The following PPFIA2 variants were observed in gnomAD, a reference collection of about 807,000 sequenced individuals.
PPFIA2 encodes the protein PPFI scaffold protein A2.
Under a neutral mutation model 175.5 loss-of-function variants are expected in PPFIA2, and 46 were observed. The observed-to-expected ratio is 0.26, with a 90% confidence interval of 0.21 to 0.34. The LOEUF (loss-of-function observed/expected upper bound fraction) is 0.34. Among genes scored for constraint, PPFIA2 ranks in the 10% least tolerant of loss-of-function variants. The probability of loss-of-function intolerance (pLI) is 1.00; values close to 1 mark genes in which losing one functional copy is unlikely to be tolerated. For synonymous variants in PPFIA2, 568 were observed against 511.4 expected (o/e 1.11, Z -1.49); for missense variants, 1,179 against 1,506.1 (o/e 0.78, Z 3.60).
intron 4 of PPFIA2, among the ~76,000 whole-genome samples, chr12:81,605,097 C>A (rs754044353): frequency 6.6e-6 from 1 of 151,788 alleles, no homozygotes; most frequent in Non-Finnish European, 1.5e-5. Context: ...ATTCAACTCA[C>A]ATATTTTTAT....
intron 5 of PPFIA2, among the ~76,000 whole-genome samples, chr12:81,450,876 A>G (rs976329444): frequency 6.6e-6 from 1 of 152,180 alleles, no homozygotes; most frequent in Non-Finnish European, 1.5e-5. Context: ...TTGACCCAGC[A>G]CAATTCAAGC....
At chr12:81,618,087 G>T (rs1425956423) in intron 4 of PPFIA2, among the ~76,000 whole-genome samples, 1 of 152,010 alleles carries the variant, frequency 6.6e-6, no homozygotes, top group Non-Finnish European at 1.5e-5. Flanking sequence ...TCCACCCAAT[G>T]GTTCCCTCCA....
chr12:81,738,471 G>A (rs1384132196), intron 3 of PPFIA2, among the ~76,000 whole-genome samples: 2 of 151,676 alleles, frequency 1.3e-5, no homozygotes, highest in East Asian at 1.9e-4. Context: ...TAAATCTAAA[G>A]GAATATTGCC....
At chr12:81,339,522 A>T (rs1258582000) in intron 20 of PPFIA2, among the ~76,000 whole-genome samples, 188 bp from the exon 21 acceptor site, 2 of 151,890 alleles carry the variant, frequency 1.3e-5, no homozygotes, top group Non-Finnish European at 2.9e-5. Context: ...TGAAACTCCA[A>T]ATTTCCATAA....
chr12:81,703,745 C>A lies in PPFIA2; in HGVS notation c.250-26901G>T, dbSNP rs186737576. On this transcript the variant is annotated intron_variant, in intron 3 of 32. Coordinates refer to ENST00000549396, the MANE Select transcript of PPFIA2 (RefSeq NM_003625.5). ...TCACCTCACTCATGGCTCTGACGAG[C>A]TCACTGAGTCCCTAGATGCACCGAG... is the stretch of plus-strand genomic sequence containing the variant. Among the ~76,000 whole-genome samples, 86 of 152,246 alleles carry A rather than the reference C, an allele frequency of 5.6e-4. 4 individuals carry two copies. Among genetic ancestry groups the A allele is most frequent in the Admixed American group, 2.7e-3 (42 of 15,290 alleles).
At chr12:81,382,321 C>A (rs2037911655) in intron 9 of PPFIA2, among the ~76,000 whole-genome samples, 2 of 151,996 alleles carry the variant, frequency 1.3e-5, no homozygotes, top group Admixed American at 1.3e-4. Flanking sequence ...GGCTTGTAGA[C>A]CACTGTGAGG....
intron 4 of PPFIA2, among the ~76,000 whole-genome samples, chr12:81,616,034 C>T (rs2061400791): frequency 6.6e-6 from 1 of 152,034 alleles, no homozygotes; most frequent in Admixed American, 6.6e-5. Context: ...GGTTTACATG[C>T]TGGTAATTGT....
chr12:81,437,695 A>ATATT (rs576321215), intron 7 of PPFIA2, among the ~76,000 whole-genome samples: 59 of 152,326 alleles, frequency 3.9e-4, no homozygotes, highest in African/African-American at 1.4e-3. Flanking sequence ...ATTTTGAGAA[A>ATATT]TGCATCCAAA....
chr12:81,296,746 G>A (rs1381405422), intron 23 of PPFIA2: 3 of 151,392 alleles, frequency 2.0e-5, no homozygotes, highest in African/African-American at 7.3e-5. Flanking sequence ...GAAGACCTGA[G>A]CCCTAATTCC....
chr12:81,461,512 A>G (rs2054536294), intron 4 of PPFIA2, among the ~76,000 whole-genome samples: 1 of 152,104 alleles, frequency 6.6e-6, no homozygotes, highest in Non-Finnish European at 1.5e-5. Context: ...GATAACATAG[A>G]ACAGTTGTTG....
intron 8 of PPFIA2, among the ~76,000 whole-genome samples, chr12:81,391,250 A>C (rs2142241931): frequency 6.6e-6 from 1 of 152,044 alleles, no homozygotes; most frequent in East Asian, 1.9e-4. Flanking sequence ...TTATATTTCA[A>C]GTAAAGGAAA....
chr12:81,624,092 G>A (rs1011134900), intron 4 of PPFIA2, among the ~76,000 whole-genome samples: 13 of 151,908 alleles, frequency 8.6e-5, no homozygotes. Context: ...AGGAAGAGGT[G>A]TTTTGAAAAG....
intron 3 of PPFIA2, among the ~76,000 whole-genome samples, chr12:81,700,303 A>G (rs1242596230): frequency 6.6e-6 from 1 of 152,036 alleles, no homozygotes; most frequent in African/African-American, 2.4e-5. Flanking sequence ...AAAATATGTA[A>G]ATGAAAATAT....
chr12:81,274,713 C>T (rs916616244), intron 28 of PPFIA2, among the ~76,000 whole-genome samples: 1 of 152,154 alleles, frequency 6.6e-6, no homozygotes, highest in African/African-American at 2.4e-5. Context: ...CTTCAGAAAA[C>T]TATTCATTAA....
chr12:81,277,479 T>G (rs1055009436), intron 27 of PPFIA2, 65 bp from the exon 28 acceptor site: 1 of 1,425,174 alleles, frequency 7.0e-7, no homozygotes, highest in African/African-American at 1.5e-5. Context: ...GAAAGTTTTG[T>G]GATTAGCCAT....
chr12:81,391,827 A>G (rs1457210500), intron 8 of PPFIA2, among the ~76,000 whole-genome samples: 1 of 151,914 alleles, frequency 6.6e-6, no homozygotes, highest in Non-Finnish European at 1.5e-5. Flanking sequence ...GAGGAAACAG[A>G]AAGATCAAAG....
At chr12:81,282,012 A>G (rs2042193505) in intron 26 of PPFIA2, among the ~76,000 whole-genome samples, 1 of 152,082 alleles carries the variant, frequency 6.6e-6, no homozygotes, top group South Asian at 2.1e-4. Flanking sequence ...ATTGGAAAGA[A>G]TCAGTCTTTT....
chr12:81,449,209 A>G (rs1052007190), intron 5 of PPFIA2, among the ~76,000 whole-genome samples: 1 of 152,164 alleles, frequency 6.6e-6, no homozygotes, highest in Non-Finnish European at 1.5e-5. Context: ...ATTAAGACTG[A>G]TGGAGACACC....
chr12:81,586,005 A>G (rs4573769), intron 4 of PPFIA2, among the ~76,000 whole-genome samples: 137,614 of 151,890 alleles, frequency 0.91, 62,611 homozygotes, highest in East Asian at 1. Context: ...TTTGTGATAG[A>G]AATTTTTCAG....
Sources: allele counts gnomAD v4.1 joint callset (sites outside exome capture counted in the v4.1 genomes callset), GRCh38; gene constraint gnomAD v4.1.1; transcripts MANE v1.5; gene names NCBI Gene and HGNC (gene_info 2026-07-23, HGNC 2026-07-21).